CAPG: variants seen among roughly 807,000 people sequenced by gnomAD.
CAPG encodes the protein macrophage-capping protein.
Under a neutral mutation model 44.6 loss-of-function variants are expected in CAPG, and 32 were observed. The observed-to-expected ratio is 0.72, with a 90% confidence interval of 0.54 to 0.96. The LOEUF is 0.96. Ranked by LOEUF, CAPG falls within the 50% of genes least tolerant of loss-of-function variation. The probability of loss-of-function intolerance (pLI) is 0.00; values close to 1 mark genes in which losing one functional copy is unlikely to be tolerated. For synonymous variants in CAPG, 175 were observed against 179.6 expected (o/e 0.97, Z 0.20); for missense variants, 412 against 438.3 (o/e 0.94, Z 0.54).
rs1686575849 is a variant in CAPG at position 85,395,947 on chromosome 2, C to G, written c.893-321G>C. 3 of 298,628 alleles carry G rather than the reference C, an allele frequency of 1.0e-5. No individual in the cohort carries two copies. In the East Asian group the frequency reaches 2.0e-4, roughly 20 times the overall value. 18.5% of individuals were successfully genotyped at this position (298,628 alleles called of 1,614,324 possible). A position where few individuals can be genotyped will look rare whatever the true frequency, so the allele number is the denominator to read the frequency against. Reference sequence around the variant, plus strand: ...TTCACCCTAGCATCAGACTGTGAGGCCGCAGGTCTCCTTTTCCTCTAGGAC... The same window carrying G: ...TTCACCCTAGCATCAGACTGTGAGGGCGCAGGTCTCCTTTTCCTCTAGGAC... On this transcript the variant is annotated intron_variant, in intron 8 of 9. Coordinates refer to ENST00000263867, the MANE Select transcript of CAPG (RefSeq NM_001747.4). The surrounding 1 kb of genome is among the most constrained non-coding windows in gnomAD (Gnocchi z 4.3).
rs768928374 is a variant in CAPG, at chr2:85,399,248, AG to A, written c.553del (p.Leu185TrpfsTer36). ...CAGGTCCCTCGCCTTGTTGCGTTCC[AG>A]GATGTTGGACTTTCCACCACACCAG... ...FAWCGGKSNI[L>X]ERNKARDLAL... is the part of the protein sequence containing the mutation. On this transcript the variant is annotated frameshift_variant, in exon 6 of 10. Coordinates refer to ENST00000263867, the MANE Select transcript of CAPG (RefSeq NM_001747.4). LOFTEE classifies it high-confidence loss of function. 25 of 1,614,030 alleles carry A rather than the reference AG, an allele frequency of 1.5e-5. No homozygotes were observed. Among genetic ancestry groups the A allele is most frequent in the Admixed American group, 3.3e-5 (2 of 60,000 alleles).
In CAPG at chr2:85,395,564, G is replaced by C. The variant is rs768616851; in HGVS notation, c.955C>G (p.Arg319Gly). 12 of 1,613,858 alleles carry C rather than the reference G, an allele frequency of 7.4e-6. No individual in the cohort carries two copies. Among genetic ancestry groups the C allele is most frequent in the Non-Finnish European group, 9.3e-6 (11 of 1,179,888 alleles). ...TGAGTGTTCGGGGCGTACTGCATGC[G>C]CGAGATGAAGCCCTCGGCCACCTGC... Reference protein sequence around the residue: ...ALQVAEGFISRMQYAPNTQVE... With the variant: ...ALQVAEGFISGMQYAPNTQVE... The change falls in exon 9 of 10, where the codon CGC becomes GGC. Residue 319 changes from arginine (R) to glycine (G), a missense_variant. Physicochemically the swap from Arg to Gly is moderately radical, Grantham distance 125 (BLOSUM62 -2). Coordinates refer to ENST00000263867, the MANE Select transcript of CAPG (RefSeq NM_001747.4). The surrounding 1 kb of genome is among the most constrained non-coding windows in gnomAD (Gnocchi z 4.3).
At chr2:85,418,664 G>C (rs1687638168), upstream of CAPG, 1 of 151,896 alleles carries the variant, frequency 6.6e-6, no homozygotes, top group South Asian at 2.1e-4. Context: ...GCGCGCGCGC[G>C]CCTTTTGGCC....
chr2:85,396,497 T>C (rs1686605068), intron 8 of CAPG, among the ~76,000 whole-genome samples: 1 of 152,150 alleles, frequency 6.6e-6, no homozygotes, highest in Non-Finnish European at 1.5e-5. Flanking sequence ...TGAACTACAA[T>C]GTATCTGAAA....
chr2:85,416,532 A>T (rs1174773610), intron 1 of CAPG, among the ~76,000 whole-genome samples: 1 of 151,746 alleles, frequency 6.6e-6, no homozygotes, highest in African/African-American at 2.4e-5. Context: ...TTTTTTCGAG[A>T]CAGAGTCTCA....
At chr2:85,392,484 G>A (rs866642198), downstream of CAPG, among the ~76,000 whole-genome samples, 4 of 151,864 alleles carry the variant, frequency 2.6e-5, no homozygotes, top group East Asian at 1.9e-4. Flanking sequence ...TCTGTCCTCC[G>A]GACCCCCTCA....
chr2:85,400,069 C>G (rs538202739), intron 5 of CAPG, among the ~76,000 whole-genome samples: 1 of 152,296 alleles, frequency 6.6e-6, no homozygotes, highest in East Asian at 1.9e-4. Flanking sequence ...CATCACATAT[C>G]TCCTATGTTT....
chr2:85,400,536 C>A (rs982979192), intron 5 of CAPG, among the ~76,000 whole-genome samples: 2 of 152,188 alleles, frequency 1.3e-5, no homozygotes, highest in Admixed American at 6.5e-5. Context: ...GCTCCTGTCC[C>A]CCAGCCCGGG....
At chr2:85,392,112 TG>T (rs1326419214), downstream of CAPG, among the ~76,000 whole-genome samples, 1 of 152,166 alleles carries the variant, frequency 6.6e-6, no homozygotes, top group African/African-American at 2.4e-5. Flanking sequence ...GCCTCCAGAC[TG>T]GGCGCAGTGG....
upstream of CAPG, chr2:85,413,867 A>C (rs1558740288): frequency 6.6e-6 from 1 of 152,162 alleles, no homozygotes; most frequent in African/African-American, 2.4e-5. Context: ...CTAAGAGAGG[A>C]CCCCGGCTGT....
upstream of CAPG, among the ~76,000 whole-genome samples, chr2:85,414,376 A>G (rs1687504089): frequency 1.3e-5 from 2 of 151,868 alleles, no homozygotes; most frequent in South Asian, 4.2e-4. Context: ...AGGCTCAGAG[A>G]GGGTAACTAA....
At chr2:85,398,918 G>A in intron 6 of CAPG, 136 bp from the exon 7 acceptor site, 1 of 823,892 alleles carries the variant, frequency 1.2e-6, no homozygotes, top group Non-Finnish European at 1.9e-6. Flanking sequence ...TGAGGTGAGT[G>A]AGGGCTGAGT....
At chr2:85,400,439 C>T (rs1007856951) in intron 5 of CAPG, among the ~76,000 whole-genome samples, 1 of 152,206 alleles carries the variant, frequency 6.6e-6, no homozygotes, top group South Asian at 2.1e-4. Flanking sequence ...TTCAGCGCCA[C>T]AAGACGCAGC....
chr2:85,416,518 TTTC>T (rs1687555434), intron 1 of CAPG, among the ~76,000 whole-genome samples: 1 of 152,162 alleles, frequency 6.6e-6, no homozygotes, highest in African/African-American at 2.4e-5. Flanking sequence ...TTCCTTTTTT[TTTC>T]TTTTTTCGAG....
In CAPG at chr2:85,401,295, G is replaced by A. The variant is rs1484607368; in HGVS notation, c.386C>T (p.Ser129Phe). The A allele has an allele frequency of 1.9e-6, 3 of 1,614,054 alleles. No homozygotes were observed. In the East Asian group the frequency reaches 6.7e-5, roughly 36 times the overall value. Residue 129 changes from serine to phenylalanine, a missense_variant, in exon 5 of 10, where the codon TCC becomes TTC. Physicochemically the swap from Ser to Phe is radical, Grantham distance 155 (BLOSUM62 -2). Coordinates refer to ENST00000263867, the MANE Select transcript of CAPG (RefSeq NM_001747.4). The part of the protein sequence containing the change: ...GGVESAFHKT[S>F]TGAPAAIKKL... ...CTTGATGGCAGCTGGGGCTCCTGTG[G>A]AGGTCTTGTGAAATGCTGACTCCAC...
rs72831546 is a variant in CAPG, at chr2:85,398,164, G to A, written c.760-12C>T. 6.8e-6 allele frequency: 11 copies of A among 1,611,702 alleles called. No homozygotes were observed. In the Admixed American group the frequency reaches 1.7e-4, roughly 24 times the overall value. Reference sequence around the variant, plus strand: ...GTGGCATCAGAGACCTGGGGAGGAGGGACAGTGCCTGATCTCACCCCCCAC... The same window carrying A: ...GTGGCATCAGAGACCTGGGGAGGAGAGACAGTGCCTGATCTCACCCCCCAC... On this transcript the variant is annotated splice_polypyrimidine_tract_variant and intron_variant, in intron 7 of 9. Transcript: ENST00000263867.
At chr2:85,417,680 C>T (rs779879519) in intron 1 of CAPG, among the ~76,000 whole-genome samples, 3 of 151,848 alleles carry the variant, frequency 2.0e-5, no homozygotes, top group Non-Finnish European at 2.9e-5. Context: ...GATGGGGTTT[C>T]GACATGTTGG....
chr2:85,399,740 C>CTTTT (rs765588444), intron 5 of CAPG, among the ~76,000 whole-genome samples: 3 of 127,590 alleles, frequency 2.4e-5, no homozygotes, highest in East Asian at 2.2e-4. Context: ...CTTTCTTTTT[C>CTTTT]TTTTTTTTTT....
Position 85,399,127 on chromosome 2 carries a change from TC to T in CAPG, c.666+8del, listed in dbSNP as rs746172432. On this transcript the variant is annotated splice_region_variant and intron_variant, in intron 6 of 9. Transcript: ENST00000263867. Reference sequence around the variant, plus strand: ...AGGCTCCCAGCCACCCACTCCAATGTCCCCCAACCTGGATCATCTCAGCAGG... The same window carrying T: ...AGGCTCCCAGCCACCCACTCCAATGTCCCCAACCTGGATCATCTCAGCAGG... 6 of 1,611,224 alleles carry T rather than the reference TC, an allele frequency of 3.7e-6. No individual in the cohort carries two copies. Among genetic ancestry groups the T allele is most frequent in the Non-Finnish European group, 5.1e-6 (6 of 1,177,766 alleles).
Sources: gnomAD v4.1 joint callset for allele counts (sites outside exome capture counted in the v4.1 genomes callset) on GRCh38, gnomAD v4.1.1 for gene constraint, Gnocchi (gnomAD v3.1) non-coding constraint, MANE v1.5 for transcripts, NCBI Gene and HGNC (gene_info 2026-07-23, HGNC 2026-07-21) for gene names.